TP53BP1: variants seen among roughly 807,000 people sequenced by gnomAD.
The protein encoded by TP53BP1 is TP53-binding protein 1.
TP53BP1 carries 61 observed loss-of-function variants against 200.8 expected under a neutral mutation model. The observed-to-expected ratio is 0.30, with a 90% CI of 0.25 to 0.38. TP53BP1 has a LOEUF of 0.38. Among genes scored for constraint, TP53BP1 ranks in the 10% least tolerant of loss-of-function variants. The pLI is 1.00. For synonymous variants in TP53BP1, 822 were observed against 844.3 expected (o/e 0.97, Z 0.46); for missense variants, 2,144 against 2,371.9 (o/e 0.90, Z 2.00).
chr15:43,470,051 G>A lies in TP53BP1; in HGVS notation c.1196C>T (p.Thr399Met), dbSNP rs763084380. 6 of 1,612,588 alleles carry A rather than the reference G, an allele frequency of 3.7e-6. No individual in the cohort carries two copies. The highest frequency in any genetic ancestry group is 5.1e-6 in the Non-Finnish European group (6 of 1,179,900). Residue 399 changes from threonine (T) to methionine (M), a missense_variant, in exon 11 of 28, where the codon ACG (threonine) becomes ATG (methionine). Physicochemically the swap from Thr to Met is moderately conservative, Grantham distance 81 (BLOSUM62 -1). Transcript: ENST00000382044. ...QEGRQDKPMD[T>M]SVLSEEGGEP... is the part of the protein sequence containing the mutation. ...TCCTCCTTCTTCAGATAACACTGAC[G>A]TGTCCATTGGCTTATCTGGTTTAAA...
chr15:43,481,870 C>G (rs1230265668), intron 4 of TP53BP1, among the ~76,000 whole-genome samples: 6 of 150,652 alleles, frequency 4.0e-5, no homozygotes, highest in Admixed American at 4.0e-4. Flanking sequence ...AGTGCAGTAG[C>G]ACGATCACAG....
chr15:43,442,007 G>A (rs1312388577), intron 14 of TP53BP1, among the ~76,000 whole-genome samples: 1 of 150,782 alleles, frequency 6.6e-6, no homozygotes, highest in African/African-American at 2.4e-5. Context: ...CAGATTTCTT[G>A]TTTTTTGTTT....
intron 11 of TP53BP1, among the ~76,000 whole-genome samples, chr15:43,465,516 T>C (rs147891493): frequency 1.9e-4 from 29 of 151,986 alleles, no homozygotes; most frequent in African/African-American, 7.0e-4. Context: ...TCTAGGAGTT[T>C]CAACATCCAA....
intron 24 of TP53BP1, among the ~76,000 whole-genome samples, chr15:43,411,320 A>C (rs2045109227): frequency 6.6e-6 from 1 of 152,202 alleles, no homozygotes; most frequent in Admixed American, 6.5e-5. Context: ...ATCAAGTATG[A>C]AGGTACTAAA....
chr15:43,407,673 C>T lies in TP53BP1; in HGVS notation c.5747-103G>A, dbSNP rs2044954603. On this transcript the variant is annotated intron_variant, in intron 27 of 27. Transcript: ENST00000382044. ...ACCAATACATCCCACTCTGCACAAA[C>T]CAAAGCCCTATTATGTCAAACACAC... 2.6e-6 allele frequency: 3 copies of T among 1,151,994 alleles called. No individual in the cohort carries two copies. In the East Asian group the frequency reaches 7.7e-5, roughly 29 times the overall value. The allele number at this position is 1,151,994 out of a possible 1,614,324, so 71.4% of individuals were successfully genotyped here.
In TP53BP1 at chr15:43,447,489, A is replaced by G. The variant is rs546609337; in HGVS notation, c.2717-4T>C. The G allele has an allele frequency of 4.0e-4, 153 of 386,890 alleles. No homozygotes were observed. The highest frequency in any genetic ancestry group is 2.0e-3 in the East Asian group (18 of 9,188). The allele number at this position is 386,890 out of a possible 1,614,324, so 24.0% of individuals were successfully genotyped here. ...AAAGTGAAATGAAATGGGGTTTCTG[A>G]AAAAAAAAAAAAAAAGAAAAAAGAA... On this transcript the variant is annotated splice_polypyrimidine_tract_variant and splice_region_variant and intron_variant, in intron 12 of 27. Transcript: ENST00000382044.
chr15:43,500,774 T>TCAC (rs1324153048), intron 1 of TP53BP1, among the ~76,000 whole-genome samples: 1 of 152,088 alleles, frequency 6.6e-6, no homozygotes, highest in Non-Finnish European at 1.5e-5. Flanking sequence ...TGAGCCGAAA[T>TCAC]CACGCTGCTG....
At chr15:43,479,751 T>G in intron 6 of TP53BP1, 108 bp downstream of exon 6, 1 of 1,367,026 alleles carries the variant, frequency 7.3e-7, no homozygotes, top group Non-Finnish European at 1.0e-6. Context: ...CTAAATTACT[T>G]AGATTATATT....
chr15:43,421,767 T>G, intron 19 of TP53BP1, 88 bp downstream of exon 19: 1 of 1,484,930 alleles, frequency 6.7e-7, no homozygotes, highest in South Asian at 1.3e-5. Context: ...ATGGGGGATT[T>G]CCCATTACTC....
intron 12 of TP53BP1, among the ~76,000 whole-genome samples, chr15:43,453,788 G>A (rs918223890): frequency 5.9e-5 from 9 of 151,770 alleles, no homozygotes; most frequent in Non-Finnish European, 1.0e-4. Context: ...CAGGTGACCC[G>A]CCCGCCTTGG....
intron 15 of TP53BP1, among the ~76,000 whole-genome samples, chr15:43,439,621 T>C (rs1223027004): frequency 2.0e-5 from 3 of 152,236 alleles, no homozygotes; most frequent in African/African-American, 2.4e-5. Context: ...TTTAGATGAT[T>C]TGTTAGAGTG....
chr15:43,456,215 T>C lies in TP53BP1; in HGVS notation c.2393A>G (p.Glu798Gly), dbSNP rs1269137707. Reference protein sequence around the residue: ...DSQSWEDIAPEIEPCAENRLD... With the variant: ...DSQSWEDIAPGIEPCAENRLD... The stretch of plus-strand genomic sequence containing the variant: ...TCTATTCTCAGCACATGGTTCTATT[T>C]CTGGAGCAATATCCTCCCATGACTG... The change falls in exon 12 of 28, where the codon GAA becomes GGA. Residue 798 changes from glutamate (E) to glycine (G), a missense_variant. Physicochemically the swap from Glu to Gly is moderately conservative, Grantham distance 98. This residue lies in a region of TP53BP1 where 1,700 missense variants were observed against 1,710.3 expected (regional missense o/e 0.99). Transcript: ENST00000382044. 18 of 1,614,080 alleles carry C rather than the reference T, an allele frequency of 1.1e-5. No individual in the cohort carries two copies. Among genetic ancestry groups the C allele is most frequent in the Non-Finnish European group, 1.4e-5 (17 of 1,180,048 alleles).
At chr15:43,415,487 A>T (rs1311857394) in intron 23 of TP53BP1, 107 bp downstream of exon 23, 1 of 1,211,666 alleles carries the variant, frequency 8.3e-7, no homozygotes, top group Admixed American at 1.7e-5. Context: ...CCGACTTTAT[A>T]GCAGGACAGA....
chr15:43,480,034 A>G lies in TP53BP1; in HGVS notation c.500-17T>C. ...AGGCAGTATCTAGGAACAAAATGCC[A>G]AGAAATTAGGTATCATCCCACAACA... On this transcript the variant is annotated splice_polypyrimidine_tract_variant and intron_variant, in intron 5 of 27. Coordinates refer to ENST00000382044, the MANE Select transcript of TP53BP1 (RefSeq NM_001141980.3). 2 of 1,612,506 alleles carry G rather than the reference A, an allele frequency of 1.2e-6. No homozygotes were observed. The highest frequency in any genetic ancestry group is 1.7e-6 in the Non-Finnish European group (2 of 1,178,970).
Position 43,479,464 on chromosome 15 carries a change from T to G in TP53BP1, c.721A>C (p.Ile241Leu). Reference sequence around the variant, plus strand: ...TTACTGGGCTGTGCTGTCACAGGGATGTCCTTGCTGGACTGTTCTGCTATG... The same window carrying G: ...TTACTGGGCTGTGCTGTCACAGGGAGGTCCTTGCTGGACTGTTCTGCTATG... ...IPIAEQSSKD[I>L]PVTAQPSKDV... The change falls in exon 7 of 28, where the codon ATC (isoleucine) becomes CTC (leucine). Residue 241 changes from isoleucine to leucine, a missense_variant. By Grantham distance (5) the Ile-to-Leu change is conservative. Transcript: ENST00000382044. 1 of 1,614,006 alleles carries G rather than the reference T, an allele frequency of 6.2e-7. No homozygotes were observed. Among genetic ancestry groups the G allele is most frequent in the Non-Finnish European group, 8.5e-7 (1 of 1,179,948 alleles).
intron 4 of TP53BP1, among the ~76,000 whole-genome samples, 197 bp from the exon 5 acceptor site, chr15:43,481,219 AGAAAAAAT>A (rs2078960134): frequency 6.6e-6 from 1 of 152,214 alleles, no homozygotes. Flanking sequence ...AATTAAGTAA[AGAAAAAAT>A]AAGGCACCAA....
intron 14 of TP53BP1, among the ~76,000 whole-genome samples, chr15:43,442,082 A>ATTTTTTTTTTT (rs1158826286): frequency 8.1e-6 from 1 of 123,522 alleles, no homozygotes; most frequent in Non-Finnish European, 1.7e-5. Flanking sequence ...ATTTGTTTTA[A>ATTTTTTTTTTT]TTTTTTTTTT....
intron 26 of TP53BP1, 48 bp downstream of exon 26, chr15:43,408,849 T>G (rs1375407412): frequency 6.3e-7 from 1 of 1,580,822 alleles, no homozygotes; most frequent in South Asian, 1.1e-5. Flanking sequence ...CCTCCAAAGC[T>G]TGCTGTCCTC....
upstream of TP53BP1, among the ~76,000 whole-genome samples, chr15:43,494,613 C>T (rs558481465): frequency 8.5e-5 from 13 of 152,300 alleles, no homozygotes; most frequent in Non-Finnish European, 1.6e-4. Context: ...TCATACTCCA[C>T]TCCTAAAGCT....
Sources: allele counts gnomAD v4.1 joint callset (sites outside exome capture counted in the v4.1 genomes callset), GRCh38; gene constraint gnomAD v4.1.1; regional missense constraint gnomAD v4.1.1; transcripts MANE v1.5; gene names NCBI Gene and HGNC (gene_info 2026-07-23, HGNC 2026-07-21).